Variants in ATP8A2 observed in about 807,000 individuals in gnomAD.
ATP8A2 encodes phospholipid-transporting ATPase IB.
A neutral mutation model predicts 165.6 loss-of-function variants in ATP8A2; 100 were observed. The ratio of observed to expected loss-of-function variants is 0.60; its 90% CI spans 0.51 to 0.71. The LOEUF is 0.71. Ranked by LOEUF, ATP8A2 falls within the 30% of genes least tolerant of loss-of-function variation. The probability of loss-of-function intolerance (pLI) is 0.00; values close to 1 mark genes in which losing one functional copy is unlikely to be tolerated. For missense variants in ATP8A2, 1,227 were observed against 1,479.5 expected (o/e 0.83, Z 2.80); for synonymous variants, 543 against 548.8 (o/e 0.99, Z 0.15).
At chr13:25,577,542 G>T (rs1459403609) in intron 20 of ATP8A2, among the ~76,000 whole-genome samples, 6 of 151,648 alleles carry the variant, frequency 4.0e-5, no homozygotes, top group Non-Finnish European at 7.4e-5. Context: ...CAATTGTTAT[G>T]TTTTTTTCTC....
chr13:25,680,784 C>G (rs532341132), intron 24 of ATP8A2, among the ~76,000 whole-genome samples: 1 of 152,168 alleles, frequency 6.6e-6, no homozygotes, highest in Non-Finnish European at 1.5e-5. Context: ...CCCTCTACAA[C>G]CATGTTTGTA....
At chr13:25,683,392 G>A (rs192812220) in intron 24 of ATP8A2, among the ~76,000 whole-genome samples, 2 of 152,286 alleles carry the variant, frequency 1.3e-5, no homozygotes, top group Non-Finnish European at 2.9e-5. Flanking sequence ...TGATTTCGTA[G>A]TAGAGTCTTA....
chr13:25,496,047 A>T (rs2036669212), intron 2 of ATP8A2, among the ~76,000 whole-genome samples: 1 of 152,096 alleles, frequency 6.6e-6, no homozygotes, highest in Admixed American at 6.5e-5. Flanking sequence ...TCCCCGTGAA[A>T]CACCCGAGGG....
chr13:25,585,456 A>G (rs9581401), intron 23 of ATP8A2, among the ~76,000 whole-genome samples: 13,850 of 152,174 alleles, frequency 0.091, 780 homozygotes, highest in African/African-American at 0.14. Context: ...TTTTAAAGTA[A>G]TTAAGTTGGC....
chr13:25,430,909 T>C (rs1361835470), intron 1 of ATP8A2, among the ~76,000 whole-genome samples: 1 of 151,904 alleles, frequency 6.6e-6, no homozygotes, highest in Non-Finnish European at 1.5e-5. Flanking sequence ...AGGTAGTTTA[T>C]AGTGGTCTTT....
chr13:25,650,264 C>T (rs929536771), intron 24 of ATP8A2, among the ~76,000 whole-genome samples: 1 of 152,082 alleles, frequency 6.6e-6, no homozygotes, highest in African/African-American at 2.4e-5. Flanking sequence ...TTCACCAAGG[C>T]GTTCTTGTCT....
intron 33 of ATP8A2, among the ~76,000 whole-genome samples, chr13:25,865,833 C>G (rs1952493949): frequency 6.6e-6 from 1 of 152,132 alleles, no homozygotes. Flanking sequence ...TCTTTTGAAG[C>G]TTGGATTTAT....
chr13:25,628,993 C>A (rs966735865), intron 24 of ATP8A2, among the ~76,000 whole-genome samples: 1 of 152,178 alleles, frequency 6.6e-6, no homozygotes, highest in African/African-American at 2.4e-5. Context: ...TGGTGATCAT[C>A]ACTCTTCCAG....
intron 2 of ATP8A2, among the ~76,000 whole-genome samples, chr13:25,475,112 T>A (rs2035956902): frequency 6.6e-6 from 1 of 152,084 alleles, no homozygotes; most frequent in South Asian, 2.1e-4. Flanking sequence ...GGCTCACACC[T>A]GTAATAGGCC....
chr13:25,803,300 C>T (rs1275626615), intron 27 of ATP8A2, among the ~76,000 whole-genome samples: 1 of 152,052 alleles, frequency 6.6e-6, no homozygotes, highest in African/African-American at 2.4e-5. Context: ...AGTCAGGTGA[C>T]AGGATTGTAC....
At chr13:25,910,952 T>C (rs1237484025) in intron 33 of ATP8A2, among the ~76,000 whole-genome samples, 1 of 151,632 alleles carries the variant, frequency 6.6e-6, no homozygotes, top group Non-Finnish European at 1.5e-5. Context: ...AAGGAAGGGC[T>C]TCTTGTGATG....
At chr13:25,416,526 G>A (rs1422155241) in intron 1 of ATP8A2, among the ~76,000 whole-genome samples, 1 of 152,174 alleles carries the variant, frequency 6.6e-6, no homozygotes, top group Non-Finnish European at 1.5e-5. Flanking sequence ...TAGAAGATGA[G>A]AGCCCTAGAT....
At chr13:26,011,934 T>TA (rs1288584735) in intron 35 of ATP8A2, among the ~76,000 whole-genome samples, 5 of 142,444 alleles carry the variant, frequency 3.5e-5, no homozygotes, top group Admixed American at 6.8e-5. Context: ...CCCCATCTTT[T>TA]TAAAAAAATA....
At chr13:25,601,808 A>C (rs1013817811) in intron 24 of ATP8A2, among the ~76,000 whole-genome samples, 2 of 152,190 alleles carry the variant, frequency 1.3e-5, no homozygotes, top group African/African-American at 2.4e-5. Flanking sequence ...TTTATTACAC[A>C]AAATGTGGGT....
chr13:26,012,483 C>A (rs1956869622), intron 35 of ATP8A2, 48 bp from the exon 36 acceptor site: 1 of 1,456,194 alleles, frequency 6.9e-7, no homozygotes, highest in African/African-American at 1.4e-5. Context: ...CCTTGTGCAA[C>A]CCGAGTGTTC....
rs535910931 is a variant in ATP8A2 at position 25,804,760 on chromosome 13, T to G, written c.2680-23358T>G. ...GGTGCCGAGCTGCCACAGGCTGGTTTGGGGACTTCTCAACTTAGTGCGCAG... is the reference window on the plus strand; with the variant it reads ...GGTGCCGAGCTGCCACAGGCTGGTTGGGGGACTTCTCAACTTAGTGCGCAG... On this transcript the variant is annotated intron_variant, in intron 27 of 36. Transcript: ENST00000381655. 3.0e-4 allele frequency among the ~76,000 whole-genome samples: 45 copies of G among 152,244 alleles called. 1 individual carries two copies. The South Asian group carries it at 9.1e-3, about 31-fold the overall frequency.
chr13:25,523,117 C>CA (rs749414873), intron 2 of ATP8A2, among the ~76,000 whole-genome samples: 457 of 75,662 alleles, frequency 6.0e-3, no homozygotes, highest in South Asian at 0.033. Flanking sequence ...GACTCTGTCT[C>CA]AAAAAAAAAA....
intron 1 of ATP8A2, among the ~76,000 whole-genome samples, chr13:25,433,356 T>G (rs952648829): frequency 1.3e-5 from 2 of 152,218 alleles, no homozygotes; most frequent in Middle Eastern, 3.2e-3. Context: ...CACTGCAGCC[T>G]TGAATTCCTG....
rs148108011 is a variant in ATP8A2 at position 25,566,822 on chromosome 13, A to G, written c.1473+2791A>G. Among the ~76,000 whole-genome samples the G allele has an allele frequency of 3.3e-3, 510 of 152,332 alleles. 3 individuals carry two copies. Among genetic ancestry groups the G allele is most frequent in the African/African-American group, 0.012 (480 of 41,576 alleles). ...GGGAAGAGACGAATAAAAAACACTC[A>G]AAGGATTCCTGTTCACTGGGGAAGC... On this transcript the variant is annotated intron_variant, in intron 16 of 36. Transcript: ENST00000381655.
Sources: gnomAD v4.1 joint callset for allele counts (sites outside exome capture counted in the v4.1 genomes callset) on GRCh38, gnomAD v4.1.1 for gene constraint, MANE v1.5 for transcripts, NCBI Gene and HGNC (gene_info 2026-07-23, HGNC 2026-07-21) for gene names.